The following LAMA2 variants were observed in gnomAD, a reference collection of about 807,000 sequenced individuals.
The protein encoded by LAMA2 is laminin subunit alpha-2.
LAMA2 carries 269 observed loss-of-function variants against 364.8 expected under a neutral mutation model. That is an observed-to-expected ratio of 0.74 (90% CI 0.67 to 0.82). The LOEUF (loss-of-function observed/expected upper bound fraction) is 0.82. Among genes scored for constraint, LAMA2 ranks in the 40% least tolerant of loss-of-function variants. The probability of loss-of-function intolerance (pLI) is 0.00; values close to 1 mark genes in which losing one functional copy is unlikely to be tolerated. For synonymous variants in LAMA2, 1,379 were observed against 1,370.6 expected, an observed-to-expected ratio of 1.01 and a Z score of -0.14; for missense variants, 3,807 against 3,873.2, an observed-to-expected ratio of 0.98 and a Z score of 0.45.
intron 11 of LAMA2, 103 bp from the exon 12 acceptor site, chr6:129,192,577 T>G: frequency 8.9e-7 from 1 of 1,124,798 alleles, no homozygotes. Context: ...TTGGTTTTTT[T>G]TGTTTTTAAT....
intron 34 of LAMA2, among the ~76,000 whole-genome samples, chr6:129,376,651 A>G (rs759162171): frequency 2.0e-5 from 3 of 152,040 alleles, no homozygotes; most frequent in Admixed American, 2.0e-4. Context: ...GCATTGCCAC[A>G]CATTTCTTTA....
chr6:128,985,601 T>A (rs1783175903), intron 1 of LAMA2, among the ~76,000 whole-genome samples: 2 of 152,216 alleles, frequency 1.3e-5, no homozygotes, highest in South Asian at 4.1e-4. Flanking sequence ...AATTTGAACA[T>A]ATAAAAAATG....
At chr6:129,332,143 A>G (rs1775693315) in intron 29 of LAMA2, among the ~76,000 whole-genome samples, 1 of 152,202 alleles carries the variant, frequency 6.6e-6, no homozygotes, top group Non-Finnish European at 1.5e-5. Context: ...GACATCCCAC[A>G]GTATTTACTA....
chr6:129,033,539 A>G (rs921228254), intron 1 of LAMA2, among the ~76,000 whole-genome samples: 1 of 152,122 alleles, frequency 6.6e-6, no homozygotes, highest in Admixed American at 6.5e-5. Context: ...TATTTTTTGA[A>G]TTATTAACTG....
intron 9 of LAMA2, among the ~76,000 whole-genome samples, chr6:129,176,426 A>G (rs1361386352): frequency 2.6e-5 from 4 of 152,064 alleles, no homozygotes; most frequent in Non-Finnish European, 4.4e-5. Flanking sequence ...GTTATATACC[A>G]CATAATATGT....
At chr6:129,098,064 A>G in intron 3 of LAMA2, 109 bp from the exon 4 acceptor site, 1 of 1,186,590 alleles carries the variant, frequency 8.4e-7, no homozygotes, top group Non-Finnish European at 1.2e-6. Flanking sequence ...ATAAGATTAT[A>G]GAATAAAATC....
chr6:129,037,914 C>G (rs1370009396), intron 1 of LAMA2, among the ~76,000 whole-genome samples: 1 of 151,870 alleles, frequency 6.6e-6, no homozygotes, highest in Non-Finnish European at 1.5e-5. Context: ...CGTGATCTGC[C>G]CACCTTGGCC....
At chr6:129,504,122 A>G (rs1379034708) in intron 60 of LAMA2, among the ~76,000 whole-genome samples, 3 of 152,222 alleles carry the variant, frequency 2.0e-5, no homozygotes, top group African/African-American at 7.2e-5. Flanking sequence ...ACATACTTTG[A>G]CTTGTCATAT....
At position 129,516,294 on chromosome 6, in the gene LAMA2, G is replaced by A. The variant is rs1276247691; in HGVS notation, c.9316G>A (p.Ala3106Thr). ...AGGCAAGCCACTGGAGGTTAATTTT[G>A]CCAAGGCCCTGGAACTGAGGGGCGT... ...GTGKPLEVNF[A>T]KALELRGVQP... The change falls in exon 65 of 65, where the codon GCC becomes ACC. Residue 3106 changes from alanine (A) to threonine (T), a missense_variant. Ala to Thr is a moderately conservative substitution (Grantham distance 58). Coordinates refer to ENST00000421865, the MANE Select transcript of LAMA2 (RefSeq NM_000426.4). The A allele has an allele frequency of 6.2e-7, 1 of 1,614,092 alleles. No homozygotes were observed. Among genetic ancestry groups the A allele is most frequent in the South Asian group, 1.1e-5 (1 of 91,082 alleles).
chr6:129,101,394 G>A (rs1775512315), intron 4 of LAMA2, among the ~76,000 whole-genome samples: 1 of 152,156 alleles, frequency 6.6e-6, no homozygotes, highest in Non-Finnish European at 1.5e-5. Context: ...TTCTAGGTTT[G>A]CAGTTATTTT....
chr6:129,175,419 C>A (rs1311319763), intron 9 of LAMA2, among the ~76,000 whole-genome samples: 3 of 152,138 alleles, frequency 2.0e-5, no homozygotes, highest in Non-Finnish European at 4.4e-5. Context: ...TAATGACTAC[C>A]ATAAGATAAG....
At chr6:129,013,279 C>CA (rs995581216) in intron 1 of LAMA2, among the ~76,000 whole-genome samples, 9 of 151,322 alleles carry the variant, frequency 5.9e-5, no homozygotes, top group Non-Finnish European at 1.0e-4. Flanking sequence ...ACTAAAAATC[C>CA]AAAAAAAATT....
chr6:129,352,637 A>G (rs1321247461), intron 31 of LAMA2, among the ~76,000 whole-genome samples: 1 of 152,190 alleles, frequency 6.6e-6, no homozygotes, highest in Non-Finnish European at 1.5e-5. Flanking sequence ...AATTGCACTC[A>G]TCTCTAATTA....
intron 1 of LAMA2, among the ~76,000 whole-genome samples, chr6:128,970,479 G>T (rs1782124061): frequency 6.6e-6 from 1 of 152,166 alleles, no homozygotes; most frequent in Non-Finnish European, 1.5e-5. Flanking sequence ...GTACAGTTAA[G>T]AAGATGACTT....
At chr6:129,475,474 C>A in intron 53 of LAMA2, 73 bp downstream of exon 53, 4 of 1,141,390 alleles carry the variant, frequency 3.5e-6, no homozygotes, top group Middle Eastern at 1.9e-4. Flanking sequence ...GATAAAGCAG[C>A]CGTGCAGAAG....
intron 1 of LAMA2, among the ~76,000 whole-genome samples, chr6:128,936,993 G>C (rs1779859511): frequency 2.0e-5 from 3 of 152,098 alleles, no homozygotes; most frequent in Admixed American, 1.3e-4. Flanking sequence ...TCTCCTGGGT[G>C]GGAGGAAACA....
chr6:129,226,218 C>T (rs1033595643), intron 12 of LAMA2, among the ~76,000 whole-genome samples: 1 of 152,146 alleles, frequency 6.6e-6, no homozygotes, highest in African/African-American at 2.4e-5. Flanking sequence ...TATTTTGAGC[C>T]TGTGTGTGTC....
Position 129,248,718 on chromosome 6 carries a change from T to C in LAMA2, c.1783-1394T>C, listed in dbSNP as rs1785949226. On this transcript the variant is annotated intron_variant, in intron 12 of 64. Transcript: ENST00000421865. ...AATAGTTCAGTCCTTGTTTGAAATA[T>C]ATACAACATAAAACTTTTTTTTCTC... Among the ~76,000 whole-genome samples the C allele has an allele frequency of 3.3e-5, 5 of 152,190 alleles. 1 individual carries two copies. The highest frequency in any genetic ancestry group is 2.6e-4 in the Admixed American group (4 of 15,284).
intron 12 of LAMA2, among the ~76,000 whole-genome samples, chr6:129,230,464 T>G (rs905626162): frequency 3.9e-5 from 6 of 152,102 alleles, no homozygotes; most frequent in African/African-American, 1.2e-4. Flanking sequence ...AGGGCATAGA[T>G]ACTTTTATGG....
Sources: gnomAD v4.1 joint callset for allele counts (sites outside exome capture counted in the v4.1 genomes callset) on GRCh38, gnomAD v4.1.1 for gene constraint, MANE v1.5 for transcripts, NCBI Gene and HGNC (gene_info 2026-07-23, HGNC 2026-07-21) for gene names.